MAPKBP1: variants seen among roughly 807,000 people sequenced by gnomAD.
The protein encoded by MAPKBP1 is mitogen-activated protein kinase binding protein 1, also known as mitogen-activated protein kinase-binding protein 1.
In MAPKBP1, 71 loss-of-function variants were observed where a neutral mutation model predicts 170.5. The ratio of observed to expected loss-of-function variants is 0.42; its 90% CI spans 0.34 to 0.51. MAPKBP1 has a LOEUF of 0.51. Ranked by LOEUF, MAPKBP1 falls within the 20% of genes least tolerant of loss-of-function variation. MAPKBP1 has a pLI of 0.06. For missense variants in MAPKBP1, 1,598 were observed against 1,933.0 expected (o/e 0.83, Z 3.25); for synonymous variants, 719 against 757.9 (o/e 0.95, Z 0.84).
At chr15:41,801,678 T>C (rs1033365272) in intron 3 of MAPKBP1, among the ~76,000 whole-genome samples, 1 of 152,082 alleles carries the variant, frequency 6.6e-6, no homozygotes, top group Non-Finnish European at 1.5e-5. Flanking sequence ...TGAAACCCTG[T>C]CTCTACTAAA....
At chr15:41,783,934 G>A (rs989323922) in intron 2 of MAPKBP1, among the ~76,000 whole-genome samples, 1 of 151,794 alleles carries the variant, frequency 6.6e-6, no homozygotes, top group Non-Finnish European at 1.5e-5. Context: ...GCGTGAACCC[G>A]GGAGGCAGAG....
intron 2 of MAPKBP1, among the ~76,000 whole-genome samples, chr15:41,794,327 A>G (rs575052090): frequency 6.6e-6 from 1 of 152,358 alleles, no homozygotes; most frequent in East Asian, 1.9e-4. Flanking sequence ...CCTTGAGGCT[A>G]GAGAGAGAAG....
At chr15:41,822,140 TG>T (rs34210216) in intron 25 of MAPKBP1, 30 bp downstream of exon 25, 7 of 583,948 alleles carry the variant, frequency 1.2e-5, no homozygotes, top group African/African-American at 1.1e-4. Flanking sequence ...GGAGGGGCCA[TG>T]GGGGGTGGGG....
chr15:41,822,593 G>A lies in MAPKBP1; in HGVS notation c.3230G>A (p.Gly1077Glu). 1.2e-6 allele frequency: 2 copies of A among 1,613,860 alleles called. No individual in the cohort carries two copies. The highest frequency in any genetic ancestry group is 1.7e-6 in the Non-Finnish European group (2 of 1,179,910). ...FETLASGAAP[G>E]APVQVPERSE... ...TTCATGATTTCTCTGACCTTGGTAG[G>A]GGCCCCAGTGCAGGTCCCAGAGAGG... is the stretch of plus-strand genomic sequence containing the variant. Residue 1077 changes from glycine to glutamate, a missense_variant and splice_region_variant, in exon 27 of 31, where the codon GGG (glycine) becomes GAG (glutamate). Gly to Glu is a moderately conservative substitution (Grantham distance 98). Around this residue, in one of 6 missense-constraint regions of MAPKBP1, gnomAD observed 942 missense variants for 953.2 expected, o/e 0.99. Coordinates refer to ENST00000457542, the MANE Select transcript of MAPKBP1 (RefSeq NM_014994.3).
chr15:41,796,364 TTA>T (rs1286042903), intron 2 of MAPKBP1, among the ~76,000 whole-genome samples: 7 of 152,252 alleles, frequency 4.6e-5, no homozygotes, highest in Admixed American at 4.6e-4. Context: ...AGGAAGAAGG[TTA>T]TCAGAGGGAG....
At chr15:41,799,236 A>T (rs2152073833) in intron 2 of MAPKBP1, among the ~76,000 whole-genome samples, 1 of 152,322 alleles carries the variant, frequency 6.6e-6, no homozygotes, top group Middle Eastern at 3.4e-3. Flanking sequence ...AGAACACAGC[A>T]TTAAGCCCTG....
chr15:41,792,508 A>G (rs1596070958), intron 2 of MAPKBP1, among the ~76,000 whole-genome samples: 1 of 152,172 alleles, frequency 6.6e-6, no homozygotes, highest in Non-Finnish European at 1.5e-5. Flanking sequence ...CCATGCTTCA[A>G]GGCTGCATTC....
chr15:41,797,465 C>T (rs1190373304), intron 2 of MAPKBP1, among the ~76,000 whole-genome samples: 4 of 152,142 alleles, frequency 2.6e-5, no homozygotes, highest in Non-Finnish European at 5.9e-5. Flanking sequence ...AATATCCCCT[C>T]CTCTGGGAGA....
chr15:41,826,550 G>A lies in MAPKBP1; in HGVS notation c.*1114G>A, dbSNP rs781588609. On this transcript the variant is annotated 3_prime_UTR_variant, in exon 31 of 31. Transcript: ENST00000457542. ...TATCAGGGAGCAGAAAAGGGGTGCA[G>A]TACACTAAGTGAACCCAGATTCTGG... 16 of 152,038 alleles carry A rather than the reference G, an allele frequency of 1.1e-4. No homozygotes were observed. The highest frequency in any genetic ancestry group is 2.1e-4 in the Non-Finnish European group (14 of 68,028). The allele number at this position is 152,038 out of a possible 1,614,324, so 9.4% of individuals were successfully genotyped here.
In MAPKBP1 at chr15:41,820,889, A is replaced by G. The variant is rs901907848; in HGVS notation, c.2539A>G (p.Arg847Gly). Residue 847 changes from arginine to glycine, a missense_variant, in exon 23 of 31, where the codon AGA (arginine) becomes GGA (glycine). By Grantham distance (125) the Arg-to-Gly change is moderately radical. This residue lies in a region of MAPKBP1 where 942 missense variants were observed against 953.2 expected (regional missense o/e 0.99). Transcript: ENST00000457542. ...PAPAANPGPRRRGRWVQPGVE... is the reference protein window; with the variant it reads ...PAPAANPGPRGRGRWVQPGVE... ...TCCTGCAGCCAACCCAGGACCCAGA[A>G]GAAGAGGGCGCTGGGTTCAGCCAGG... The G allele has an allele frequency of 2.5e-6, 4 of 1,614,028 alleles. No individual in the cohort carries two copies. Among genetic ancestry groups the G allele is most frequent in the Non-Finnish European group, 3.4e-6 (4 of 1,180,012 alleles).
rs200452979 is a variant in MAPKBP1, at chr15:41,819,548, G to C, written c.2426-47G>C. 62 of 993,366 alleles carry C rather than the reference G, an allele frequency of 6.2e-5. 5 individuals carry two copies. In the Middle Eastern group the frequency reaches 7.2e-4, roughly 12 times the overall value. 61.5% of individuals were successfully genotyped at this position (993,366 alleles called of 1,614,324 possible). Reference sequence around the variant, plus strand: ...GGCCAGGGCTCCAGGGTTGGGTGGCGGGGGGGGGGCAGGAGACACTTCCTC... The same window carrying C: ...GGCCAGGGCTCCAGGGTTGGGTGGCCGGGGGGGGGCAGGAGACACTTCCTC... On this transcript the variant is annotated intron_variant, in intron 21 of 30. Transcript: ENST00000457542.
chr15:41,803,441 A>AGCAG (rs2064636245), intron 3 of MAPKBP1, among the ~76,000 whole-genome samples: 1 of 150,266 alleles, frequency 6.7e-6, no homozygotes, highest in African/African-American at 2.5e-5. Context: ...AAAAAGGTTA[A>AGCAG]GCAGGCAGGG....
chr15:41,819,439 G>T lies in MAPKBP1; in HGVS notation c.2425+60G>T, dbSNP rs1022728344. 4 of 1,600,280 alleles carry T rather than the reference G, an allele frequency of 2.5e-6. No homozygotes were observed. The African/African-American group carries it at 5.4e-5, about 22-fold the overall frequency. ...CTAGTTGGTATAATGGCTAGATATG[G>T]TTTTTCTGAGACTGTGGGGTGAGAG... On this transcript the variant is annotated intron_variant, in intron 21 of 30. Coordinates refer to ENST00000457542, the MANE Select transcript of MAPKBP1 (RefSeq NM_014994.3).
intron 24 of MAPKBP1, 31 bp from the exon 25 acceptor site, chr15:41,821,934 C>T (rs1184905432): frequency 6.2e-7 from 1 of 1,604,776 alleles, no homozygotes; most frequent in African/African-American, 1.3e-5. Context: ...CTGCTCACTG[C>T]CTTTTCTTCT....
chr15:41,820,101 A>G (rs1249055897), intron 22 of MAPKBP1, among the ~76,000 whole-genome samples: 3 of 152,194 alleles, frequency 2.0e-5, no homozygotes, highest in African/African-American at 4.8e-5. Context: ...GAACTTCCAG[A>G]ATAGTTAGAG....
Position 41,781,629 on chromosome 15 carries a change from T to C in MAPKBP1, c.114+6240T>C, listed in dbSNP as rs189650656. Among the ~76,000 whole-genome samples, 736 of 151,932 alleles carry C rather than the reference T, an allele frequency of 4.8e-3. 15 individuals carry two copies. Among genetic ancestry groups the C allele is most frequent in the Middle Eastern group, 0.017 (5 of 292 alleles). On this transcript the variant is annotated intron_variant, in intron 2 of 30. Transcript: ENST00000457542. ...CTGTATTCCAGCCTGGGCAACAGAG[T>C]GAGACCCCATCTTAAAAACAAACAA...
intron 2 of MAPKBP1, among the ~76,000 whole-genome samples, chr15:41,786,777 A>AAAAAAAAAAAAATATATATATATAT: frequency 2.2e-4 from 7 of 32,436 alleles, no homozygotes; most frequent in Admixed American, 3.9e-4. Context: ...AAAAAAAAAA[A>AAAAAAAAAAAAATATATATATATAT]ATATATATAT....
At chr15:41,813,249 A>C in intron 8 of MAPKBP1, 148 bp downstream of exon 8, 1 of 1,506,280 alleles carries the variant, frequency 6.6e-7, no homozygotes, top group African/African-American at 1.4e-5. Flanking sequence ...AGCTTGGCCC[A>C]TTTCCAGCCC....
In MAPKBP1 at chr15:41,818,863, A is replaced by G. The variant is rs1379735978; in HGVS notation, c.2197A>G (p.Ser733Gly). Reference protein sequence around the residue: ...VWRLSSEMTISMRQRLAELRQ... With the variant: ...VWRLSSEMTIGMRQRLAELRQ... ...GCGCCTGAGCTCTGAGATGACCATC[A>G]GCATGAGGCAGCGTCTGGCCGAGTT... Residue 733 changes from serine to glycine, a missense_variant, in exon 20 of 31, where the codon AGC becomes GGC. Around this residue, in one of 6 missense-constraint regions of MAPKBP1, gnomAD observed 63 missense variants for 115.2 expected, o/e 0.55. Coordinates refer to ENST00000457542, the MANE Select transcript of MAPKBP1 (RefSeq NM_014994.3). This position sits in a 1 kb window ranked among gnomAD's most constrained non-coding sequence, Gnocchi z 5.2. The G allele has an allele frequency of 6.2e-7, 1 of 1,614,110 alleles. No individual in the cohort carries two copies.
Sources: allele counts gnomAD v4.1 joint callset (sites outside exome capture counted in the v4.1 genomes callset), GRCh38; gene constraint gnomAD v4.1.1; regional missense constraint gnomAD v4.1.1; non-coding constraint Gnocchi (gnomAD v3.1); transcripts MANE v1.5; gene names NCBI Gene and HGNC (gene_info 2026-07-23, HGNC 2026-07-21).